Variants in MYO16 observed in about 807,000 individuals in gnomAD.
MYO16 encodes myosin XVI, also known as unconventional myosin-XVI.
MYO16 carries 94 observed loss-of-function variants against 205.3 expected under a neutral mutation model. The ratio of observed to expected loss-of-function variants is 0.46; its 90% CI spans 0.39 to 0.54. The LOEUF (loss-of-function observed/expected upper bound fraction) is 0.54, where lower values mean the gene tolerates loss of function less well. Ranked by LOEUF, MYO16 falls within the 20% of genes least tolerant of loss-of-function variation. The pLI is 0.00. For missense variants in MYO16, 2,315 were observed against 2,387.5 expected (o/e 0.97, Z 0.63); for synonymous variants, 988 against 954.0 (o/e 1.04, Z -0.66).
At chr13:109,117,599 C>A (rs551982766) in intron 28 of MYO16, among the ~76,000 whole-genome samples, 2 of 150,984 alleles carry the variant, frequency 1.3e-5, no homozygotes, top group Non-Finnish European at 2.9e-5. Flanking sequence ...TTATAGGGTG[C>A]TCTGGGAACA....
At chr13:108,955,095 G>A (rs1883298694) in intron 16 of MYO16, among the ~76,000 whole-genome samples, 1 of 152,092 alleles carries the variant, frequency 6.6e-6, no homozygotes, top group Admixed American at 6.5e-5. Context: ...TTCTCTCCTG[G>A]AAAAACCAAA....
chr13:108,727,407 T>C lies in MYO16; in HGVS notation c.364-33T>C. The C allele has an allele frequency of 1.9e-6, 3 of 1,599,506 alleles. No homozygotes were observed. The South Asian group carries it at 3.3e-5, about 18-fold the overall frequency. ...GAATAAGCCATATCACAGTTTGTAA[T>C]AATTTGATATTTCCTTGTATTCTTT... is the stretch of plus-strand genomic sequence containing the variant. On this transcript the variant is annotated intron_variant, in intron 3 of 34. Transcript: ENST00000457511.
chr13:108,542,437 A>G, the MYO16 span, among the ~76,000 whole-genome samples: 1 of 152,232 alleles, frequency 6.6e-6, no homozygotes, highest in Non-Finnish European at 1.5e-5. Flanking sequence ...TTACCTTTGT[A>G]ACAAACCTGC....
At chr13:108,939,873 TAC>T (rs1882650031) in intron 16 of MYO16, among the ~76,000 whole-genome samples, 1 of 152,160 alleles carries the variant, frequency 6.6e-6, no homozygotes, top group Non-Finnish European at 1.5e-5. Flanking sequence ...TATGTATATA[TAC>T]ACACACACTT....
Position 108,913,965 on chromosome 13 carries a change from T to A in MYO16, c.1925+3815T>A, listed in dbSNP as rs1172606020. Reference sequence around the variant, plus strand: ...ATTTCTTTATGGCACTTCCCTTTTTTTGTCTATAAATTTGTTCTGACCACG... The same window carrying A: ...ATTTCTTTATGGCACTTCCCTTTTTATGTCTATAAATTTGTTCTGACCACG... On this transcript the variant is annotated intron_variant, in intron 16 of 34. Transcript: ENST00000457511. 2.6e-5 allele frequency among the ~76,000 whole-genome samples: 4 copies of A among 152,268 alleles called. No individual in the cohort carries two copies. The East Asian group carries it at 7.7e-4, about 29-fold the overall frequency.
chr13:109,139,061 C>A (rs1327834309), intron 31 of MYO16, among the ~76,000 whole-genome samples: 1 of 152,154 alleles, frequency 6.6e-6, no homozygotes, highest in Non-Finnish European at 1.5e-5. Context: ...CTCAAGTGAT[C>A]TGCCCACCTC....
intron 21 of MYO16, among the ~76,000 whole-genome samples, chr13:108,999,144 T>G (rs1422131589): frequency 1.3e-5 from 2 of 152,198 alleles, no homozygotes; most frequent in Non-Finnish European, 1.5e-5. Flanking sequence ...TGGGACAGGA[T>G]CCATGTAATT....
At chr13:108,596,971 A>G (rs1878586467) in intron 1 of MYO16, among the ~76,000 whole-genome samples, 1 of 152,206 alleles carries the variant, frequency 6.6e-6, no homozygotes, top group Admixed American at 6.5e-5. Context: ...AGAAAAGACA[A>G]ATTCTTAAAG....
chr13:108,508,083 A>C, the MYO16 span, among the ~76,000 whole-genome samples: 20 of 151,904 alleles, frequency 1.3e-4, no homozygotes, highest in Middle Eastern at 3.4e-3. Context: ...TGTCTTATTT[A>C]AACTCATTAA....
chr13:108,794,728 A>G (rs2138949115), intron 6 of MYO16, among the ~76,000 whole-genome samples: 1 of 152,326 alleles, frequency 6.6e-6, no homozygotes, highest in Admixed American at 6.5e-5. Context: ...GTGAGTTAAA[A>G]TTAATAATGA....
At chr13:108,701,013 G>C (rs769464147) in intron 2 of MYO16, among the ~76,000 whole-genome samples, 5 of 152,116 alleles carry the variant, frequency 3.3e-5, no homozygotes, top group Admixed American at 1.3e-4. Flanking sequence ...GATCCTAAGC[G>C]AAGGCTGAGA....
chr13:108,716,431 G>A (rs1883947330), intron 3 of MYO16, among the ~76,000 whole-genome samples: 1 of 152,224 alleles, frequency 6.6e-6, no homozygotes, highest in Non-Finnish European at 1.5e-5. Context: ...CAAAGTGGAG[G>A]ATGAATCTGG....
chr13:109,022,601 T>C (rs1476868916), intron 23 of MYO16, among the ~76,000 whole-genome samples: 2 of 135,318 alleles, frequency 1.5e-5, no homozygotes, highest in East Asian at 2.2e-4. Context: ...CTATATTCTA[T>C]ATACGCATAT....
At chr13:109,197,355 T>G (rs1880202917) in intron 34 of MYO16, among the ~76,000 whole-genome samples, 1 of 152,164 alleles carries the variant, frequency 6.6e-6, no homozygotes, top group Non-Finnish European at 1.5e-5. Context: ...CTCTCTTCTG[T>G]TCTATTTCCT....
chr13:108,928,681 A>C (rs1466722242), intron 16 of MYO16, among the ~76,000 whole-genome samples: 2 of 152,200 alleles, frequency 1.3e-5, no homozygotes, highest in Admixed American at 1.3e-4. Flanking sequence ...GACCACACCC[A>C]ATACTATAAA....
chr13:109,044,488 T>C (rs1336853412), intron 23 of MYO16, among the ~76,000 whole-genome samples: 1 of 152,056 alleles, frequency 6.6e-6, no homozygotes, highest in Non-Finnish European at 1.5e-5. Context: ...GTAACTGAAA[T>C]GACATTTGAG....
At chr13:109,153,505 T>C (rs997007161) in intron 32 of MYO16, among the ~76,000 whole-genome samples, 1 of 152,162 alleles carries the variant, frequency 6.6e-6, no homozygotes, top group Non-Finnish European at 1.5e-5. Flanking sequence ...AGGTGGCTCA[T>C]CTCAACACTT....
chr13:108,914,665 C>G (rs192879944), intron 16 of MYO16, among the ~76,000 whole-genome samples: 2 of 151,336 alleles, frequency 1.3e-5, no homozygotes, highest in East Asian at 3.9e-4. Context: ...CCTTTTTTTT[C>G]TTTTATTTGC....
intron 4 of MYO16, among the ~76,000 whole-genome samples, chr13:108,752,253 G>A (rs1885260028): frequency 6.6e-6 from 1 of 152,030 alleles, no homozygotes; most frequent in Non-Finnish European, 1.5e-5. Context: ...AAGTCTCATT[G>A]TGACTTGAGG....
Sources: allele counts gnomAD v4.1 joint callset (sites outside exome capture counted in the v4.1 genomes callset), GRCh38; gene constraint gnomAD v4.1.1; transcripts MANE v1.5; gene names NCBI Gene and HGNC (gene_info 2026-07-23, HGNC 2026-07-21).